The following ZC3H12B variants were observed in gnomAD, a reference collection of about 807,000 sequenced individuals.
ZC3H12B encodes the protein zinc finger CCCH-type containing 12B.
ZC3H12B carries 7 observed loss-of-function variants against 43.9 expected under a neutral mutation model. The observed-to-expected ratio is 0.16, with a 90% CI of 0.09 to 0.30. The LOEUF (loss-of-function observed/expected upper bound fraction) is 0.30. ZC3H12B is among the 10% of genes least tolerant of loss of function. The probability of loss-of-function intolerance (pLI) is 1.00; values close to 1 mark genes in which losing one functional copy is unlikely to be tolerated. For missense variants in ZC3H12B, 475 were observed against 670.2 expected (o/e 0.71, Z 3.22); for synonymous variants, 222 against 241.7 (o/e 0.92, Z 0.76).
At chrX:65,072,711 T>A in the ZC3H12B span, among the ~76,000 whole-genome samples, 1 of 112,037 alleles carries the variant, frequency 8.9e-6, no homozygotes, top group African/African-American at 3.2e-5. Context: ...GGCAGTGAGA[T>A]CTGTTCTTGT....
chrX:65,134,722 C>T, the ZC3H12B span, among the ~76,000 whole-genome samples: 266 of 111,381 alleles, frequency 2.4e-3, 1 homozygote, highest in African/African-American at 8.3e-3. Context: ...ATGTCACGTG[C>T]GTCCGTGTGA....
chrX:65,135,045 C>T, the ZC3H12B span, among the ~76,000 whole-genome samples: 1 of 110,837 alleles, frequency 9.0e-6, no homozygotes, highest in Non-Finnish European at 1.9e-5. Flanking sequence ...ACCTGATATG[C>T]GCAGGTCACA....
intron 3 of ZC3H12B, among the ~76,000 whole-genome samples, chrX:65,477,819 G>C (rs1402862652): frequency 2.2e-5 from 2 of 90,868 alleles, no homozygotes; most frequent in Non-Finnish European, 4.4e-5. Context: ...ACATTCCTCT[G>C]TGTGTGTGTG....
intron 3 of ZC3H12B, among the ~76,000 whole-genome samples, chrX:65,448,423 A>G (rs1184490280): frequency 8.9e-6 from 1 of 112,235 alleles, no homozygotes; most frequent in African/African-American, 3.2e-5. Flanking sequence ...AAAAGAAGTC[A>G]TATCAAAAAG....
chrX:65,403,771 C>T (rs1422667612), intron 3 of ZC3H12B, among the ~76,000 whole-genome samples: 1 of 111,443 alleles, frequency 9.0e-6, no homozygotes, highest in South Asian at 3.7e-4. Context: ...CACAGACTAA[C>T]AAAAGCTGAG....
chrX:65,222,347 C>G, the ZC3H12B span, among the ~76,000 whole-genome samples: 1 of 110,430 alleles, frequency 9.1e-6, no homozygotes, highest in South Asian at 3.8e-4. Flanking sequence ...AAGTCCTAGA[C>G]AGAGCAATCA....
At chrX:65,110,019 TCA>T in the ZC3H12B span, among the ~76,000 whole-genome samples, 9 of 111,639 alleles carry the variant, frequency 8.1e-5, no homozygotes, top group African/African-American at 2.9e-4. Flanking sequence ...CAGTGATATC[TCA>T]TTTGTGTTTT....
chrX:65,251,450 A>C, the ZC3H12B span, among the ~76,000 whole-genome samples: 1 of 111,562 alleles, frequency 9.0e-6, no homozygotes. Flanking sequence ...TGAACTTTAT[A>C]GTAGTTTTTT....
At chrX:65,042,430 G>GA in the ZC3H12B span, among the ~76,000 whole-genome samples, 1 of 112,020 alleles carries the variant, frequency 8.9e-6, no homozygotes, top group Non-Finnish European at 1.9e-5. Flanking sequence ...TATAAGCTTA[G>GA]AAAAAAATAA....
At chrX:65,166,694 T>G in the ZC3H12B span, among the ~76,000 whole-genome samples, 3 of 111,782 alleles carry the variant, frequency 2.7e-5, no homozygotes, top group African/African-American at 6.5e-5. Context: ...CTCCACATCC[T>G]CTCCTGCACC....
At chrX:65,177,141 C>A in the ZC3H12B span, among the ~76,000 whole-genome samples, 1 of 112,208 alleles carries the variant, frequency 8.9e-6, no homozygotes, top group African/African-American at 3.2e-5. Context: ...AAGCATTAAA[C>A]ATAATCCATC....
At chrX:65,416,712 C>G (rs995330674) in intron 3 of ZC3H12B, among the ~76,000 whole-genome samples, 6 of 108,435 alleles carry the variant, frequency 5.5e-5, no homozygotes, top group Non-Finnish European at 1.1e-4. Context: ...ATGGTGTGAA[C>G]CGGAAGGCGG....
intron 3 of ZC3H12B, among the ~76,000 whole-genome samples, chrX:65,441,562 C>A (rs892525854): frequency 8.9e-6 from 1 of 112,057 alleles, no homozygotes. Context: ...CTGTGCTATG[C>A]GCTCTCCTGG....
At chrX:65,375,429 G>A (rs1253847735) in intron 2 of ZC3H12B, among the ~76,000 whole-genome samples, 1 of 112,230 alleles carries the variant, frequency 8.9e-6, no homozygotes, top group Non-Finnish European at 1.9e-5. Context: ...AGTACACATT[G>A]GGGGAATGTG....
chrX:65,499,351 A>T (rs1360223390), intron 3 of ZC3H12B, 118 bp downstream of exon 8: 6 of 555,644 alleles, frequency 1.1e-5, no homozygotes, highest in South Asian at 3.3e-5. Context: ...CCACACAGAT[A>T]AAAGGATGAA....
chrX:65,309,061 A>ACAT, the ZC3H12B span, among the ~76,000 whole-genome samples: 750 of 111,307 alleles, frequency 6.7e-3, 1 homozygote, highest in Middle Eastern at 0.028. Context: ...CAACACCCTA[A>ACAT]CATCACAATT....
At chrX:65,385,775 G>A (rs1190758706) in intron 2 of ZC3H12B, among the ~76,000 whole-genome samples, 1 of 111,982 alleles carries the variant, frequency 8.9e-6, no homozygotes, top group African/African-American at 3.3e-5. Context: ...GACATTGGCT[G>A]TCGGTTTGTC....
intron 3 of ZC3H12B, among the ~76,000 whole-genome samples, chrX:65,447,652 A>G (rs1457636992): frequency 8.9e-6 from 1 of 112,217 alleles, no homozygotes; most frequent in African/African-American, 3.2e-5. Context: ...GTAAACAAAC[A>G]ACTCACAGAA....
At chrX:65,349,489 G>A in the ZC3H12B span, among the ~76,000 whole-genome samples, 1 of 111,639 alleles carries the variant, frequency 9.0e-6, no homozygotes, top group Non-Finnish European at 1.9e-5. Context: ...TCAAAATGTA[G>A]CAGAAGACAA....
Sources: gnomAD v4.1 joint callset for allele counts (sites outside exome capture counted in the v4.1 genomes callset) on GRCh38, gnomAD v4.1.1 for gene constraint, MANE v1.5 for transcripts, NCBI Gene and HGNC (gene_info 2026-07-23, HGNC 2026-07-21) for gene names.